Variants in PDPK1 observed in about 807,000 individuals in gnomAD.
PDPK1 encodes 3-phosphoinositide dependent protein kinase 1, also known as 3-phosphoinositide-dependent protein kinase 1.
PDPK1 carries 7 observed loss-of-function variants against 39.8 expected under a neutral mutation model. That is an observed-to-expected ratio of 0.18 (90% CI 0.10 to 0.33). The LOEUF (loss-of-function observed/expected upper bound fraction) is 0.33. Ranked by LOEUF, PDPK1 falls within the 10% of genes least tolerant of loss-of-function variation. PDPK1 has a pLI of 1.00. For synonymous variants in PDPK1, 118 were observed against 159.1 expected (o/e 0.74, Z 1.95); for missense variants, 182 against 384.7 (o/e 0.47, Z 4.41).
chr16:2,596,365 T>A (rs1411943599), intron 12 of PDPK1, among the ~76,000 whole-genome samples: 1 of 152,154 alleles, frequency 6.6e-6, no homozygotes, highest in Non-Finnish European at 1.5e-5. Flanking sequence ...CTAATCTTTT[T>A]TTGTATTTTT....
chr16:2,539,121 G>T, intron 1 of PDPK1: 1 of 200,660 alleles, frequency 5.0e-6, no homozygotes, highest in Admixed American at 6.0e-5. Context: ...CTCTCGACGC[G>T]CAGGCTGGAG....
intron 10 of PDPK1, among the ~76,000 whole-genome samples, chr16:2,585,496 A>T (rs1271476499): frequency 3.3e-5 from 5 of 152,060 alleles, no homozygotes; most frequent in Non-Finnish European, 7.4e-5. Context: ...TCAGCCAGGG[A>T]GGTTGGCCAT....
At chr16:2,588,395 G>T (rs2066920543) in intron 11 of PDPK1, among the ~76,000 whole-genome samples, 1 of 152,182 alleles carries the variant, frequency 6.6e-6, no homozygotes, top group African/African-American at 2.4e-5. Flanking sequence ...TGTGTGCTGG[G>T]GTCCCCACGA....
intron 11 of PDPK1, among the ~76,000 whole-genome samples, chr16:2,587,589 A>T (rs1597063562): frequency 1.3e-5 from 2 of 151,908 alleles, no homozygotes; most frequent in South Asian, 4.2e-4. Flanking sequence ...GCTCACTGCA[A>T]CCTCTGCCTC....
chr16:2,551,671 TTTTTTTTG>T (rs2141950676), intron 1 of PDPK1, among the ~76,000 whole-genome samples: 1 of 137,820 alleles, frequency 7.3e-6, no homozygotes, highest in African/African-American at 3.5e-5. Context: ...TTTTTTTTTT[TTTTTTTTG>T]TTTTTAGACG....
intron 1 of PDPK1, among the ~76,000 whole-genome samples, chr16:2,543,875 C>G (rs1052868050): frequency 5.4e-5 from 8 of 148,400 alleles, no homozygotes; most frequent in African/African-American, 1.7e-4. Flanking sequence ...GCACGTGCCA[C>G]CGCACCCGGC....
In PDPK1 at chr16:2,575,868, G is replaced by A. The variant is rs1597048459; in HGVS notation, c.710-1557G>A. 2 of 137,814 alleles carry A rather than the reference G, an allele frequency of 1.5e-5. 1 individual carries two copies. Among genetic ancestry groups the A allele is most frequent in the Middle Eastern group, 7.0e-3 (2 of 284 alleles). The allele number at this position is 137,814 out of a possible 1,614,324, so 8.5% of individuals were successfully genotyped here. On this transcript the variant is annotated intron_variant, in intron 6 of 13. Transcript: ENST00000342085. ...TGTTTAAAAGCACATACGGCTCCGCGTGCTGCACGACGACCTCAGTCATTT... is the reference window on the plus strand; with the variant it reads ...TGTTTAAAAGCACATACGGCTCCGCATGCTGCACGACGACCTCAGTCATTT...
In PDPK1 at chr16:2,596,049, C is replaced by T. The variant is rs2067095224; in HGVS notation, c.1401+199C>T. Among the ~76,000 whole-genome samples the T allele has an allele frequency of 2.0e-5, 3 of 152,212 alleles. 1 individual carries two copies. The South Asian group carries it at 6.2e-4, about 32-fold the overall frequency. ...GAGCCACACGCGTAGGCGGTTAGGG[C>T]AGTGCAGAAGCAACCGCCCACACTC... On this transcript the variant is annotated intron_variant, in intron 12 of 13. Transcript: ENST00000342085.
Position 2,597,401 on chromosome 16 carries a change from A to G in PDPK1, c.1554+126A>G. 1 of 866,584 alleles carries G rather than the reference A, an allele frequency of 1.2e-6. No individual in the cohort carries two copies. The highest frequency in any genetic ancestry group is 1.8e-6 in the Non-Finnish European group (1 of 548,598). 53.7% of individuals were successfully genotyped at this position (866,584 alleles called of 1,614,324 possible). ...CGGGGCAGCTGCCTCGCCCTTTCCG[A>G]CATCCCAGACGCCCACACTAGTGGC... On this transcript the variant is annotated intron_variant, in intron 13 of 13. Transcript: ENST00000342085. This position sits in a 1 kb window ranked among gnomAD's most constrained non-coding sequence, Gnocchi z 6.3.
In PDPK1 at chr16:2,599,774, C is replaced by T. The variant is rs1433730128; in HGVS notation, c.*2007C>T. 1 of 233,722 alleles carries T rather than the reference C, an allele frequency of 4.3e-6. No homozygotes were observed. Among genetic ancestry groups the T allele is most frequent in the Non-Finnish European group, 8.5e-6 (1 of 118,318 alleles). 14.5% of individuals were successfully genotyped at this position (233,722 alleles called of 1,614,324 possible). On this transcript the variant is annotated 3_prime_UTR_variant, in exon 14 of 14. Coordinates refer to ENST00000342085, the MANE Select transcript of PDPK1 (RefSeq NM_002613.5). ...TGTCTCCATGTAGGAGAGTGGCTCTCTCAGATCTCTCAGGGCGTCTGGTTA... is the reference window on the plus strand; with the variant it reads ...TGTCTCCATGTAGGAGAGTGGCTCTTTCAGATCTCTCAGGGCGTCTGGTTA...
intron 12 of PDPK1, among the ~76,000 whole-genome samples, chr16:2,596,882 T>C (rs992380450): frequency 6.6e-6 from 1 of 151,922 alleles, no homozygotes; most frequent in Admixed American, 6.6e-5. Flanking sequence ...AGGGGAGCCA[T>C]GGGCCCGATC....
intron 11 of PDPK1, among the ~76,000 whole-genome samples, chr16:2,590,676 C>G (rs1355908229): frequency 6.6e-6 from 1 of 152,238 alleles, no homozygotes. Flanking sequence ...AGGAAAACAA[C>G]TGCCTGTATT....
At chr16:2,545,697 C>T (rs1175202177) in intron 1 of PDPK1, among the ~76,000 whole-genome samples, 3 of 152,172 alleles carry the variant, frequency 2.0e-5, no homozygotes, top group African/African-American at 4.8e-5. Context: ...GTTTTACCAT[C>T]TTGGCTAGGC....
chr16:2,597,634 G>A lies in PDPK1; in HGVS notation c.1555-17G>A. ...TGGGACTCCCTGGAGAACACTAAAC[G>A]GCTTCTGTCTTCGCAGCCTAACAGG... is the stretch of plus-strand genomic sequence containing the variant. On this transcript the variant is annotated splice_polypyrimidine_tract_variant and intron_variant, in intron 13 of 13. Transcript: ENST00000342085. The surrounding 1 kb of genome is among the most constrained non-coding windows in gnomAD (Gnocchi z 6.3). 8.9e-6 allele frequency: 14 copies of A among 1,574,762 alleles called. No homozygotes were observed. Among genetic ancestry groups the A allele is most frequent in the African/African-American group, 1.3e-5 (1 of 74,256 alleles).
intron 12 of PDPK1, among the ~76,000 whole-genome samples, chr16:2,596,347 A>G (rs914887216): frequency 1.3e-5 from 2 of 152,098 alleles, no homozygotes; most frequent in Admixed American, 1.3e-4. Flanking sequence ...GCCCGCCACC[A>G]TGCCCGGCTA....
At chr16:2,591,628 G>A (rs2066991992) in intron 11 of PDPK1, among the ~76,000 whole-genome samples, 2 of 152,178 alleles carry the variant, frequency 1.3e-5, no homozygotes, top group Admixed American at 1.3e-4. Context: ...GTGAGGCTGG[G>A]TGTTTGCCGT....
chr16:2,579,283 G>A (rs1461104123), intron 7 of PDPK1: 1 of 95,460 alleles, frequency 1.0e-5, no homozygotes, highest in African/African-American at 4.6e-5. Flanking sequence ...CCACAGGTGG[G>A]GGGTGGGCGG....
chr16:2,586,647 C>T (rs374391328), intron 10 of PDPK1, 29 bp from the exon 11 acceptor site: 73 of 1,585,946 alleles, frequency 4.6e-5, no homozygotes, highest in Non-Finnish European at 6.0e-5. Context: ...AGTGAAGGTG[C>T]GGTTCTCACT....
At chr16:2,591,215 G>A (rs1052372780) in intron 11 of PDPK1, among the ~76,000 whole-genome samples, 1 of 152,006 alleles carries the variant, frequency 6.6e-6, no homozygotes, top group Admixed American at 6.6e-5. Context: ...CACCTGCCTC[G>A]GCCTCCCAAA....
Sources: gnomAD v4.1 joint callset for allele counts (sites outside exome capture counted in the v4.1 genomes callset) on GRCh38, gnomAD v4.1.1 for gene constraint, Gnocchi (gnomAD v3.1) non-coding constraint, MANE v1.5 for transcripts, NCBI Gene and HGNC (gene_info 2026-07-23, HGNC 2026-07-21) for gene names.